KCNH8: variants seen among roughly 807,000 people sequenced by gnomAD.
The protein encoded by KCNH8 is potassium voltage-gated channel subfamily H member 8, also known as voltage-gated delayed rectifier potassium channel KCNH8.
Under a neutral mutation model 103.6 loss-of-function variants are expected in KCNH8, and 70 were observed. That is an observed-to-expected ratio of 0.68 (90% confidence interval 0.56 to 0.82). The LOEUF is 0.82. KCNH8 is among the 40% of genes least tolerant of loss of function. KCNH8 has a pLI of 0.00. For missense variants in KCNH8, 1,217 were observed against 1,329.9 expected (o/e 0.92, Z 1.32); for synonymous variants, 498 against 489.4 (o/e 1.02, Z -0.23).
chr3:19,209,346 G>A (rs950820785), intron 1 of KCNH8, among the ~76,000 whole-genome samples: 1 of 152,010 alleles, frequency 6.6e-6, no homozygotes, highest in Admixed American at 6.6e-5. Context: ...TCTCATGTAG[G>A]AAAATGATTT....
intron 11 of KCNH8, among the ~76,000 whole-genome samples, chr3:19,480,348 G>A: frequency 6.6e-6 from 1 of 152,140 alleles, no homozygotes; most frequent in East Asian, 1.9e-4. Context: ...TGAAGCATTA[G>A]CATCCCATAA....
chr3:19,465,957 T>C (rs1434939473), intron 11 of KCNH8, among the ~76,000 whole-genome samples: 4 of 152,112 alleles, frequency 2.6e-5, no homozygotes, highest in African/African-American at 9.7e-5. Flanking sequence ...TTTATTGAGA[T>C]AGGGCCTCAC....
At chr3:19,163,208 A>G (rs1051692255) in intron 1 of KCNH8, among the ~76,000 whole-genome samples, 1 of 151,394 alleles carries the variant, frequency 6.6e-6, no homozygotes, top group African/African-American at 2.4e-5. Flanking sequence ...TACATGATTT[A>G]AATATGACAA....
chr3:19,258,975 ATATATATC>A (rs2064390392), intron 2 of KCNH8, among the ~76,000 whole-genome samples: 1 of 132,902 alleles, frequency 7.5e-6, no homozygotes, highest in African/African-American at 2.8e-5. Context: ...ATATATATAT[ATATATATC>A]TGGAAATAAT....
intron 11 of KCNH8, among the ~76,000 whole-genome samples, chr3:19,488,626 T>G (rs1575129563): frequency 6.6e-6 from 1 of 152,184 alleles, no homozygotes; most frequent in South Asian, 2.1e-4. Context: ...AGACCTTATT[T>G]AAATTTGTAA....
intron 11 of KCNH8, among the ~76,000 whole-genome samples, chr3:19,505,777 C>G (rs976928351): frequency 6.6e-6 from 1 of 152,110 alleles, no homozygotes; most frequent in African/African-American, 2.4e-5. Flanking sequence ...TTGCTTTCTC[C>G]CTAGCTCTTT....
At chr3:19,451,060 G>A (rs1008131659) in intron 9 of KCNH8, 95 bp from the exon 10 acceptor site, 4 of 1,207,234 alleles carry the variant, frequency 3.3e-6, no homozygotes, top group Middle Eastern at 2.0e-4. Context: ...CAAACAGCAG[G>A]AGACAGTAGG....
chr3:19,475,917 G>T (rs564557680), intron 11 of KCNH8, among the ~76,000 whole-genome samples: 15 of 152,246 alleles, frequency 9.9e-5, no homozygotes, highest in African/African-American at 3.6e-4. Context: ...TAACTAGCCA[G>T]TAACATCTTC....
intron 7 of KCNH8, among the ~76,000 whole-genome samples, chr3:19,425,350 A>T (rs972510740): frequency 6.6e-6 from 1 of 152,198 alleles, no homozygotes; most frequent in Non-Finnish European, 1.5e-5. Context: ...TGCTCCAACT[A>T]GGAGGACTTA....
Position 19,296,819 on chromosome 3 carries a change from C to T in KCNH8, c.442+15490C>T, listed in dbSNP as rs182075346. Among the ~76,000 whole-genome samples, 613 of 151,920 alleles carry T rather than the reference C, an allele frequency of 4.0e-3. 4 individuals carry two copies. Among genetic ancestry groups the T allele is most frequent in the African/African-American group, 0.014 (574 of 41,430 alleles). ...AGAACTTATTCATGTAACCAAACAC[C>T]ACCTGTTCACCCAAAACCTATGAAA... is the stretch of plus-strand genomic sequence containing the variant. On this transcript the variant is annotated intron_variant, in intron 3 of 15. Transcript: ENST00000328405.
At chr3:19,436,012 G>T (rs540895806) in intron 7 of KCNH8, among the ~76,000 whole-genome samples, 1 of 152,186 alleles carries the variant, frequency 6.6e-6, no homozygotes, top group African/African-American at 2.4e-5. Flanking sequence ...ATGTAATTAA[G>T]CAAAATACTG....
chr3:19,310,736 G>C (rs954039990), intron 3 of KCNH8, among the ~76,000 whole-genome samples: 1 of 151,638 alleles, frequency 6.6e-6, no homozygotes, highest in Non-Finnish European at 1.5e-5. Flanking sequence ...TGAATATATC[G>C]TAAAATCGTA....
intron 5 of KCNH8, among the ~76,000 whole-genome samples, chr3:19,388,724 C>G (rs1334636329): frequency 1.3e-5 from 2 of 152,058 alleles, no homozygotes; most frequent in African/African-American, 4.8e-5. Context: ...TCACCCAGGA[C>G]TTGCCTCTAG....
intron 11 of KCNH8, among the ~76,000 whole-genome samples, chr3:19,480,568 T>C (rs190072132): frequency 7.2e-5 from 11 of 152,298 alleles, no homozygotes; most frequent in Admixed American, 3.9e-4. Flanking sequence ...GGTATGAGCC[T>C]ATGAGAGCTC....
intron 3 of KCNH8, among the ~76,000 whole-genome samples, chr3:19,316,053 A>G (rs2065269617): frequency 6.6e-6 from 1 of 152,062 alleles, no homozygotes; most frequent in South Asian, 2.1e-4. Context: ...AAATTAAGTC[A>G]TGTATTAATT....
intron 3 of KCNH8, among the ~76,000 whole-genome samples, chr3:19,307,011 A>T (rs559650473): frequency 1.3e-5 from 2 of 152,030 alleles, no homozygotes; most frequent in African/African-American, 4.8e-5. Context: ...TGGTACTGGC[A>T]TAGAAAGAGA....
chr3:19,460,175 T>C (rs2067600220), intron 11 of KCNH8, among the ~76,000 whole-genome samples: 1 of 152,130 alleles, frequency 6.6e-6, no homozygotes, highest in Non-Finnish European at 1.5e-5. Flanking sequence ...TTTGTTAAGG[T>C]GGCATATTTC....
At position 19,513,158 on chromosome 3, in the gene KCNH8, G is replaced by C. The variant is rs1404244309; in HGVS notation, c.2268G>C (p.Leu756=). 6.2e-7 allele frequency: 1 copy of C among 1,613,954 alleles called. No individual in the cohort carries two copies. Among genetic ancestry groups the C allele is most frequent in the African/African-American group, 1.3e-5 (1 of 75,012 alleles). ...ACCTGGGCTTAAGCTTAAAGCAACT[G>C]GCCTCGGGAACGGTGCCCTTTCACT... ...KAYLGLSLKQ[L]ASGTVPFHSP... Residue 756 remains leucine, a synonymous_variant, in exon 13 of 16, where the codon CTG becomes CTC. Transcript: ENST00000328405.
At chr3:19,490,777 T>C (rs1271603703) in intron 11 of KCNH8, among the ~76,000 whole-genome samples, 2 of 152,188 alleles carry the variant, frequency 1.3e-5, no homozygotes, top group Admixed American at 6.5e-5. Context: ...AGAGTTGGAC[T>C]AATTCAATGG....
Sources: gnomAD v4.1 joint callset for allele counts (sites outside exome capture counted in the v4.1 genomes callset) on GRCh38, gnomAD v4.1.1 for gene constraint, MANE v1.5 for transcripts, NCBI Gene and HGNC (gene_info 2026-07-23, HGNC 2026-07-21) for gene names.